SNX16: variants seen among roughly 807,000 people sequenced by gnomAD.
SNX16 encodes the protein sorting nexin 16.
SNX16 carries 35 observed loss-of-function variants against 36.7 expected under a neutral mutation model. The observed-to-expected ratio is 0.95, with a 90% CI of 0.73 to 1.27. The LOEUF (loss-of-function observed/expected upper bound fraction) is 1.27. Ranked by LOEUF, SNX16 falls within the 50% of genes most tolerant of loss-of-function variation. SNX16 has a pLI of 0.00. For synonymous variants in SNX16, 134 were observed against 132.0 expected, an observed-to-expected ratio of 1.02 and a Z score of -0.10; for missense variants, 367 against 393.6, an observed-to-expected ratio of 0.93 and a Z score of 0.57.
chr8:81,801,014 A>G lies in SNX16; in HGVS notation c.*483T>C, dbSNP rs1040727226. 4 of 152,022 alleles carry G rather than the reference A, an allele frequency of 2.6e-5. No homozygotes were observed. Among genetic ancestry groups the G allele is most frequent in the African/African-American group, 9.7e-5 (4 of 41,390 alleles). The allele number at this position is 152,022 out of a possible 1,614,324, so 9.4% of individuals were successfully genotyped here. ...AGATGTAAACATGTAAACATTAAAA[A>G]CTCAACTAAATTTTATCTTTATTAT... is the stretch of plus-strand genomic sequence containing the variant. On this transcript the variant is annotated 3_prime_UTR_variant, in exon 8 of 8. Coordinates refer to ENST00000345957, the MANE Select transcript of SNX16 (RefSeq NM_152836.3).
In SNX16 at chr8:81,838,332, G is replaced by A. The variant is rs116876394; in HGVS notation, c.375+1280C>T. 2.8e-4 allele frequency among the ~76,000 whole-genome samples: 43 copies of A among 152,184 alleles called. No homozygotes were observed. The East Asian group carries it at 7.3e-3, about 26-fold the overall frequency. ...ATCTAACAAAATCTCAATGCAAAGGGTGAAGAATAGCCAAGGCCATCCTGA... is the reference window on the plus strand; with the variant it reads ...ATCTAACAAAATCTCAATGCAAAGGATGAAGAATAGCCAAGGCCATCCTGA... On this transcript the variant is annotated intron_variant, in intron 2 of 7. Transcript: ENST00000345957.
At chr8:81,802,576 CT>C (rs1809754085) in intron 6 of SNX16, 77 bp from the exon 7 acceptor site, 1 of 1,271,276 alleles carries the variant, frequency 7.9e-7, no homozygotes, top group Admixed American at 2.3e-5. Flanking sequence ...ATACAGGTAG[CT>C]ATAGCAGTCT....
chr8:81,811,053 C>T (rs1360168149), intron 5 of SNX16, among the ~76,000 whole-genome samples: 1 of 152,054 alleles, frequency 6.6e-6, no homozygotes, highest in African/African-American at 2.4e-5. Flanking sequence ...GGCTGTCTTG[C>T]AAGAAGAAAG....
At chr8:81,838,838 G>A (rs1445272860) in intron 2 of SNX16, among the ~76,000 whole-genome samples, 2 of 151,982 alleles carry the variant, frequency 1.3e-5, no homozygotes, top group African/African-American at 4.8e-5. Flanking sequence ...ACCACAGAGT[G>A]AGAGGATAGT....
Position 81,839,806 on chromosome 8 carries a change from T to C in SNX16, c.181A>G (p.Met61Val). The C allele has an allele frequency of 6.2e-7, 1 of 1,613,710 alleles. No homozygotes were observed. Reference sequence around the variant, plus strand: ...CTACAGACAGATGAAGTATTATCCATTTGATCAGGAACACTTGTCTGTTTA... The same window carrying C: ...CTACAGACAGATGAAGTATTATCCACTTGATCAGGAACACTTGTCTGTTTA... ...NFKQTSVPDQ[M>V]DNTSSVCSSP... is the part of the protein sequence containing the mutation. Residue 61 changes from methionine (M) to valine (V), a missense_variant, in exon 2 of 8, where the codon ATG becomes GTG. Coordinates refer to ENST00000345957, the MANE Select transcript of SNX16 (RefSeq NM_152836.3).
Position 81,839,771 on chromosome 8 carries a change from G to A in SNX16, c.216C>T (p.Leu72=). ...DNTSSVCSSP[L]IRTKFTGTAS... The stretch of plus-strand genomic sequence containing the variant: ...CTGTACCTGTAAATTTAGTCCTAAT[G>A]AGGGGACTGCTACAGACAGATGAAG... Residue 72 remains leucine (L), a synonymous_variant, in exon 2 of 8, where the codon CTC becomes CTT. Coordinates refer to ENST00000345957, the MANE Select transcript of SNX16 (RefSeq NM_152836.3). The A allele has an allele frequency of 6.2e-7, 1 of 1,613,650 alleles. No homozygotes were observed. Among genetic ancestry groups the A allele is most frequent in the South Asian group, 1.1e-5 (1 of 91,068 alleles).
intron 6 of SNX16, among the ~76,000 whole-genome samples, chr8:81,802,862 T>C (rs1014033203): frequency 2.0e-5 from 3 of 151,872 alleles, no homozygotes; most frequent in Admixed American, 1.3e-4. Flanking sequence ...ATGTTTACCT[T>C]GTTGAACAGT....
intron 4 of SNX16, among the ~76,000 whole-genome samples, chr8:81,822,796 A>G (rs1015681930): frequency 4.0e-5 from 6 of 151,886 alleles, no homozygotes; most frequent in African/African-American, 9.7e-5. Flanking sequence ...AGACAACTGC[A>G]TATATCAATC....
chr8:81,821,216 C>T (rs1216785179), intron 4 of SNX16, among the ~76,000 whole-genome samples: 1 of 151,366 alleles, frequency 6.6e-6, no homozygotes, highest in Non-Finnish European at 1.5e-5. Context: ...CTTTCTTTGC[C>T]TAAAATGCCT....
intron 3 of SNX16, among the ~76,000 whole-genome samples, chr8:81,824,530 A>T (rs1444722680): frequency 2.0e-5 from 3 of 151,370 alleles, no homozygotes; most frequent in African/African-American, 7.3e-5. Flanking sequence ...TTTTTTTTAG[A>T]TCATAAAAAA....
At chr8:81,814,514 T>C (rs1455050725) in intron 5 of SNX16, 1 of 152,042 alleles carries the variant, frequency 6.6e-6, no homozygotes, top group Non-Finnish European at 1.5e-5. Context: ...AGGAATTCTT[T>C]TTGAGGTGAT....
At chr8:81,823,353 C>T (rs1314630893) in intron 4 of SNX16, among the ~76,000 whole-genome samples, 1 of 151,948 alleles carries the variant, frequency 6.6e-6, no homozygotes, top group Non-Finnish European at 1.5e-5. Context: ...TATTTTCACT[C>T]TACCTTCTAT....
In SNX16 at chr8:81,801,505, C is replaced by T. The variant is rs751839074; in HGVS notation, c.1027G>A (p.Glu343Lys). Reference sequence around the variant, plus strand: ...GAACTGCTTGTGATACATTAGTCTTCTTCAGCATCATATGCCACTTCTGCT... The same window carrying T: ...GAACTGCTTGTGATACATTAGTCTTTTTCAGCATCATATGCCACTTCTGCT... ...EVAEVAYDAE[E>K]D is the part of the protein sequence containing the mutation. The change falls in exon 8 of 8, where the codon GAA (glutamate) becomes AAA (lysine). Residue 343 changes from glutamate (E) to lysine (K), a missense_variant. Coordinates refer to ENST00000345957, the MANE Select transcript of SNX16 (RefSeq NM_152836.3). 1 of 1,587,724 alleles carries T rather than the reference C, an allele frequency of 6.3e-7. No individual in the cohort carries two copies. Among genetic ancestry groups the T allele is most frequent in the South Asian group, 1.1e-5 (1 of 88,972 alleles).
chr8:81,820,264 G>C (rs1223575474), intron 4 of SNX16, among the ~76,000 whole-genome samples: 1 of 151,564 alleles, frequency 6.6e-6, no homozygotes, highest in Admixed American at 6.6e-5. Context: ...TGTAAAAAAT[G>C]AGACAATCTT....
chr8:81,813,731 TAAAC>T (rs1056062422), intron 5 of SNX16, among the ~76,000 whole-genome samples: 1 of 151,834 alleles, frequency 6.6e-6, no homozygotes, highest in African/African-American at 2.4e-5. Flanking sequence ...CTGAATAAGA[TAAAC>T]AGCCCAGGTT....
chr8:81,830,344 C>A (rs771202856), intron 2 of SNX16, among the ~76,000 whole-genome samples: 2 of 151,786 alleles, frequency 1.3e-5, no homozygotes, highest in South Asian at 4.2e-4. Context: ...CCGAGGTGGG[C>A]GGATCATGGG....
rs763908037 is a variant in SNX16 at position 81,815,377 on chromosome 8, A to T, written c.629T>A (p.Phe210Tyr). ...DIANCLAVRE[F>Y]LCLDDPPGPF... ...ACCCGGTGGATCATCCAAACAAAGA[A>T]ATTCTCTCACTGCAAGGCTTTTCAA... Residue 210 changes from phenylalanine to tyrosine, a missense_variant, in exon 5 of 8, where the codon TTT (phenylalanine) becomes TAT (tyrosine). By Grantham distance (22) the Phe-to-Tyr change is conservative. Transcript: ENST00000345957. The T allele has an allele frequency of 1.9e-6, 3 of 1,612,540 alleles. No individual in the cohort carries two copies. The South Asian group carries it at 3.3e-5, about 18-fold the overall frequency.
rs780660151 is a variant in SNX16, at chr8:81,823,941, C to G, written c.463-1G>C. On this transcript the variant is annotated splice_acceptor_variant, in intron 3 of 7. Transcript: ENST00000345957. LOFTEE classifies it high-confidence loss of function. ...GAAAACCTGGAAACATCTCTTTTAA[C>G]TGAAAAAGAAGAAAAGAGCAAATAC... 2.5e-6 allele frequency: 4 copies of G among 1,604,770 alleles called. No individual in the cohort carries two copies. The African/African-American group carries it at 5.4e-5, about 22-fold the overall frequency.
At chr8:81,837,453 G>A (rs1471305363) in intron 2 of SNX16, among the ~76,000 whole-genome samples, 2 of 152,260 alleles carry the variant, frequency 1.3e-5, no homozygotes, top group South Asian at 2.1e-4. Flanking sequence ...TTGGTAGCTT[G>A]TAAACAAAGA....
Sources: allele counts gnomAD v4.1 joint callset (sites outside exome capture counted in the v4.1 genomes callset), GRCh38; gene constraint gnomAD v4.1.1; transcripts MANE v1.5; gene names NCBI Gene and HGNC (gene_info 2026-07-23, HGNC 2026-07-21).